C3orf52: variants seen among roughly 807,000 people sequenced by gnomAD.
The protein encoded by C3orf52 is chromosome 3 open reading frame 52.
A neutral mutation model predicts 24.8 loss-of-function variants in C3orf52; 22 were observed. The observed-to-expected ratio is 0.89, with a 90% CI of 0.63 to 1.27. The LOEUF (loss-of-function observed/expected upper bound fraction) is 1.27. C3orf52 is among the 50% of genes most tolerant of loss of function. The pLI is 0.00. For synonymous variants in C3orf52, 93 were observed against 100.2 expected (o/e 0.93, Z 0.43); for missense variants, 265 against 260.7 (o/e 1.02, Z -0.11).
downstream of C3orf52, chr3:112,121,706 A>G (rs1334441650): frequency 1.3e-5 from 2 of 152,224 alleles, no homozygotes; most frequent in Admixed American, 1.3e-4. Context: ...TAGCAGAGGA[A>G]GAGATACCAA....
At chr3:112,098,863 A>G (rs1330115137) in intron 2 of C3orf52, among the ~76,000 whole-genome samples, 1 of 152,156 alleles carries the variant, frequency 6.6e-6, no homozygotes, top group Non-Finnish European at 1.5e-5. Flanking sequence ...CTCTCCCCTC[A>G]TGATCTAATC....
chr3:112,132,713 T>C, downstream of C3orf52: 2 of 973,254 alleles, frequency 2.1e-6, no homozygotes, highest in Middle Eastern at 5.3e-4. Context: ...CTTAAAATAG[T>C]GGCTGAAAGA....
chr3:112,129,152 T>A (rs537112829), downstream of C3orf52: 5 of 152,312 alleles, frequency 3.3e-5, no homozygotes, highest in South Asian at 6.2e-4. Context: ...TTTGCTTACA[T>A]TATCTGCTTT....
chr3:112,115,984 C>T (rs1187314758), intron 5 of C3orf52, among the ~76,000 whole-genome samples: 7 of 152,126 alleles, frequency 4.6e-5, no homozygotes, highest in Non-Finnish European at 8.8e-5. Context: ...AAGAATAGGT[C>T]AGCATCATGA....
chr3:112,092,792 T>A (rs1337636368), intron 1 of C3orf52, among the ~76,000 whole-genome samples: 1 of 152,196 alleles, frequency 6.6e-6, no homozygotes, highest in African/African-American at 2.4e-5. Flanking sequence ...CTTTTTTACA[T>A]AGAACCTAGG....
intron 4 of C3orf52, among the ~76,000 whole-genome samples, chr3:112,110,804 C>G (rs1488510976): frequency 6.6e-6 from 1 of 152,118 alleles, no homozygotes. Flanking sequence ...ATTAGCAGAC[C>G]TGGGAGGGGA....
At chr3:112,118,461 G>A (rs1216705713), downstream of C3orf52, among the ~76,000 whole-genome samples, 1 of 152,152 alleles carries the variant, frequency 6.6e-6, no homozygotes, top group East Asian at 1.9e-4. Flanking sequence ...AAAGGGCTTG[G>A]ACTTGAAGGA....
chr3:112,118,762 A>G (rs955618434), downstream of C3orf52, among the ~76,000 whole-genome samples: 9 of 152,220 alleles, frequency 5.9e-5, no homozygotes, highest in African/African-American at 9.6e-5. Flanking sequence ...TGCCTGGTAC[A>G]TAGTGAGGTT....
Position 112,093,476 on chromosome 3 carries a change from A to T in C3orf52, c.255A>T (p.Leu85Phe). ...TCATTACAGTGATCATCATAGGCTTATGTCTTGCTGCAGGTAAGAGGATTT... is the reference window on the plus strand; with the variant it reads ...TCATTACAGTGATCATCATAGGCTTTTGTCTTGCTGCAGGTAAGAGGATTT... ...LGVITVIIIG[L>F]CLAAVTYVDE... Residue 85 changes from leucine (L) to phenylalanine (F), a missense_variant, in exon 2 of 6, where the codon TTA (leucine) becomes TTT (phenylalanine). Coordinates refer to ENST00000264848, the MANE Select transcript of C3orf52 (RefSeq NM_024616.3). 6.2e-7 allele frequency: 1 copy of T among 1,613,204 alleles called. No individual in the cohort carries two copies. The highest frequency in any genetic ancestry group is 8.5e-7 in the Non-Finnish European group (1 of 1,179,518).
chr3:112,130,704 C>T, downstream of C3orf52: 1 of 603,578 alleles, frequency 1.7e-6, no homozygotes, highest in Non-Finnish European at 3.0e-6. Context: ...GACATGCTCT[C>T]CATTGCCACA....
chr3:112,094,993 T>C (rs947163684), intron 2 of C3orf52, among the ~76,000 whole-genome samples: 1 of 152,164 alleles, frequency 6.6e-6, no homozygotes, highest in Admixed American at 6.5e-5. Flanking sequence ...CATTTTCCAT[T>C]TACCGCTTGT....
downstream of C3orf52, chr3:112,132,546 G>T: frequency 6.1e-6 from 3 of 490,716 alleles, no homozygotes; most frequent in Non-Finnish European, 7.9e-6. Context: ...GGTAGATATT[G>T]TATTATTATT....
At chr3:112,132,192 G>A (rs553577586), downstream of C3orf52, among the ~76,000 whole-genome samples, 137 of 152,282 alleles carry the variant, frequency 9.0e-4, no homozygotes, top group African/African-American at 3.2e-3. Flanking sequence ...TGATTCTTAG[G>A]AAGGGACATG....
intron 2 of C3orf52, among the ~76,000 whole-genome samples, chr3:112,099,483 A>G (rs1017090220): frequency 6.6e-6 from 1 of 152,174 alleles, no homozygotes; most frequent in Non-Finnish European, 1.5e-5. Flanking sequence ...CTGTTTTCCC[A>G]TTTATAAAAT....
At chr3:112,126,636 A>G (rs2074326379) in intron 4 of C3orf52, among the ~76,000 whole-genome samples, 2 of 152,168 alleles carry the variant, frequency 1.3e-5, no homozygotes. Flanking sequence ...AAAGATGAAA[A>G]TCTTTAACTT....
At chr3:112,108,856 TAAGA>T (rs1048314111) in intron 3 of C3orf52, among the ~76,000 whole-genome samples, 6 of 152,150 alleles carry the variant, frequency 3.9e-5, no homozygotes, top group African/African-American at 1.2e-4. Flanking sequence ...TGGTTAGTAT[TAAGA>T]AAGAGAGAGA....
intron 4 of C3orf52, among the ~76,000 whole-genome samples, chr3:112,124,561 T>C (rs990466663): frequency 6.6e-6 from 1 of 152,168 alleles, no homozygotes; most frequent in East Asian, 1.9e-4. Context: ...TGAGCTGAGA[T>C]CGTGCCATTG....
intron 4 of C3orf52, 163 bp from the exon 5 acceptor site, chr3:112,112,801 G>A: frequency 1.4e-6 from 1 of 721,812 alleles, no homozygotes; most frequent in South Asian, 1.5e-5. Flanking sequence ...CTATGGAAGA[G>A]GATTCTTATA....
chr3:112,112,690 C>T (rs997183856), intron 4 of C3orf52: 13 of 434,408 alleles, frequency 3.0e-5, no homozygotes, highest in African/African-American at 8.1e-5. Flanking sequence ...GAGATGGGCA[C>T]CTCTACCTCT....
Sources: gnomAD v4.1 joint callset for allele counts (sites outside exome capture counted in the v4.1 genomes callset) on GRCh38, gnomAD v4.1.1 for gene constraint, MANE v1.5 for transcripts, NCBI Gene and HGNC (gene_info 2026-07-23, HGNC 2026-07-21) for gene names.